The following REPS1 variants were observed in gnomAD, a reference collection of about 807,000 sequenced individuals.
REPS1 encodes the protein RALBP1 associated Eps domain containing 1.
A neutral mutation model predicts 100.9 loss-of-function variants in REPS1; 39 were observed. The observed-to-expected ratio is 0.39, with a 90% CI of 0.30 to 0.50. REPS1 has a LOEUF of 0.50. REPS1 is among the 20% of genes least tolerant of loss of function. The probability of loss-of-function intolerance (pLI) is 0.86; values close to 1 mark genes in which losing one functional copy is unlikely to be tolerated. For synonymous variants in REPS1, 324 were observed against 340.3 expected (o/e 0.95, Z 0.53); for missense variants, 821 against 968.5 (o/e 0.85, Z 2.02).
intron 12 of REPS1, among the ~76,000 whole-genome samples, chr6:138,919,877 CAG>C (rs2128443021): frequency 6.6e-6 from 1 of 152,228 alleles, no homozygotes; most frequent in Non-Finnish European, 1.5e-5. Flanking sequence ...GTTCAATCTC[CAG>C]TGCCTAGAAC....
At chr6:138,959,509 C>A (rs1193870341) in intron 1 of REPS1, among the ~76,000 whole-genome samples, 1 of 152,134 alleles carries the variant, frequency 6.6e-6, no homozygotes. Context: ...CTTCCCTTTT[C>A]AGTCATTAAT....
At chr6:138,927,439 TAAG>T (rs1266430081) in intron 9 of REPS1, 1 of 152,168 alleles carries the variant, frequency 6.6e-6, no homozygotes, top group African/African-American at 2.4e-5. Context: ...ATCTGATTCT[TAAG>T]AATTATCAGT....
At chr6:138,939,135 TAA>T (rs1782060335) in intron 8 of REPS1, among the ~76,000 whole-genome samples, 2 of 152,324 alleles carry the variant, frequency 1.3e-5, no homozygotes, top group East Asian at 3.9e-4. Context: ...AGAAAAATGA[TAA>T]GTTATATTAC....
At chr6:138,917,787 T>A (rs1443680307) in intron 12 of REPS1, 160 bp from the exon 13 acceptor site, 3 of 572,214 alleles carry the variant, frequency 5.2e-6, no homozygotes, top group Admixed American at 3.2e-5. Flanking sequence ...CTGTAAAAAA[T>A]TAACTACAAA....
At chr6:138,976,008 A>G (rs1309174293) in intron 1 of REPS1, among the ~76,000 whole-genome samples, 2 of 152,220 alleles carry the variant, frequency 1.3e-5, no homozygotes, top group East Asian at 3.8e-4. Flanking sequence ...ACTACACTCA[A>G]TACTTGCTGA....
chr6:138,907,336 G>GTGTGTGTGTA, intron 19 of REPS1, 159 bp downstream of exon 19: 1 of 494,904 alleles, frequency 2.0e-6, no homozygotes, highest in Admixed American at 3.2e-5. Flanking sequence ...GTGTGTGTGT[G>GTGTGTGTGTA]TGTGGCGGGG....
intron 8 of REPS1, among the ~76,000 whole-genome samples, chr6:138,936,671 C>T (rs1358579693): frequency 6.6e-5 from 10 of 150,550 alleles, no homozygotes; most frequent in African/African-American, 2.0e-4. Context: ...AAGCTAATGA[C>T]AAGCATTAGT....
At chr6:138,911,960 G>C (rs953494056) in intron 16 of REPS1, among the ~76,000 whole-genome samples, 9 of 152,182 alleles carry the variant, frequency 5.9e-5, no homozygotes, top group Admixed American at 2.6e-4. Flanking sequence ...TCGTGGTTGG[G>C]AGAAGGGAGG....
chr6:138,916,010 T>C (rs1780352585), intron 13 of REPS1, 34 bp from the exon 14 acceptor site: 2 of 1,448,192 alleles, frequency 1.4e-6, no homozygotes, highest in East Asian at 4.5e-5. Flanking sequence ...TTGGTCATAC[T>C]ACTGATATCA....
intron 8 of REPS1, among the ~76,000 whole-genome samples, chr6:138,938,078 T>C (rs1224795091): frequency 2.0e-5 from 3 of 152,328 alleles, no homozygotes; most frequent in African/African-American, 7.2e-5. Flanking sequence ...GAAAGCTCTT[T>C]CTGCAGATGA....
chr6:138,986,969 A>G (rs1785294487), intron 1 of REPS1, among the ~76,000 whole-genome samples: 1 of 152,216 alleles, frequency 6.6e-6, no homozygotes, highest in Admixed American at 6.5e-5. Flanking sequence ...CACGTTCTAC[A>G]GATAATTACA....
At position 138,911,271 on chromosome 6, in the gene REPS1, C is replaced by A. The variant is rs1779983743; in HGVS notation, c.2067+5G>T. On this transcript the variant is annotated splice_donor_5th_base_variant and intron_variant, in intron 17 of 19. Coordinates refer to ENST00000450536, the MANE Select transcript of REPS1 (RefSeq NM_001286611.2). ...AATTATTATTATAAAAGACATTTTG[C>A]ATACCACATTGGCAGGAGCACTAGC... 1 of 1,566,894 alleles carries A rather than the reference C, an allele frequency of 6.4e-7. No individual in the cohort carries two copies. The highest frequency in any genetic ancestry group is 1.4e-5 in the African/African-American group (1 of 74,000).
At position 138,911,350 on chromosome 6, in the gene REPS1, C is replaced by T. The variant is rs758462837; in HGVS notation, c.1993G>A (p.Ala665Thr). The T allele has an allele frequency of 1.9e-6, 3 of 1,612,908 alleles. No individual in the cohort carries two copies. Among genetic ancestry groups the T allele is most frequent in the African/African-American group, 2.7e-5 (2 of 74,892 alleles). Residue 665 changes from alanine (A) to threonine (T), a missense_variant, in exon 17 of 20, where the codon GCA becomes ACA. Coordinates refer to ENST00000450536, the MANE Select transcript of REPS1 (RefSeq NM_001286611.2). ...VLPAEKASDPASSLRVAKTDS... is the reference protein window; with the variant it reads ...VLPAEKASDPTSSLRVAKTDS... ...GTTTTGGCAACTCGAAGAGAACTTGCAGGATCAGAAGCTTTTTCAGCCTAA... is the reference window on the plus strand; with the variant it reads ...GTTTTGGCAACTCGAAGAGAACTTGTAGGATCAGAAGCTTTTTCAGCCTAA...
At chr6:138,941,201 G>A in intron 8 of REPS1, 134 bp downstream of exon 8, 1 of 967,484 alleles carries the variant, frequency 1.0e-6, no homozygotes, top group Non-Finnish European at 1.5e-6. Flanking sequence ...CTATTCTGAT[G>A]ACAAATCTAT....
At chr6:138,928,471 T>C (rs982683718) in intron 9 of REPS1, 1 of 151,796 alleles carries the variant, frequency 6.6e-6, no homozygotes, top group Non-Finnish European at 1.5e-5. Flanking sequence ...CAATGATTTA[T>C]TAACATTTTG....
chr6:138,914,824 T>C (rs1036183740), intron 14 of REPS1, 63 bp from the exon 15 acceptor site: 1 of 1,324,296 alleles, frequency 7.6e-7, no homozygotes, highest in Admixed American at 2.0e-5. Context: ...ATAGAAGAAA[T>C]AGGCTGAATG....
chr6:138,920,740 T>C (rs1415264250), intron 11 of REPS1, among the ~76,000 whole-genome samples: 2 of 152,204 alleles, frequency 1.3e-5, no homozygotes, highest in African/African-American at 4.8e-5. Flanking sequence ...TTTTAACATA[T>C]ATCTCTTCAG....
At position 138,941,249 on chromosome 6, in the gene REPS1, T is replaced by C. The variant is rs150776146; in HGVS notation, c.1135+86A>G. 2.1e-6 allele frequency: 3 copies of C among 1,422,364 alleles called. No homozygotes were observed. The East Asian group carries it at 6.8e-5, about 32-fold the overall frequency. The allele number at this position is 1,422,364 out of a possible 1,614,324, so 88.1% of individuals were successfully genotyped here. On this transcript the variant is annotated intron_variant, in intron 8 of 19. Coordinates refer to ENST00000450536, the MANE Select transcript of REPS1 (RefSeq NM_001286611.2). Reference sequence around the variant, plus strand: ...AAATATCTAAGCTATTAAGCTAAGGTTAACCTCTATCTTGATTTTTCTTTC... The same window carrying C: ...AAATATCTAAGCTATTAAGCTAAGGCTAACCTCTATCTTGATTTTTCTTTC...
chr6:138,971,419 T>G (rs919576290), intron 1 of REPS1, among the ~76,000 whole-genome samples: 5 of 152,134 alleles, frequency 3.3e-5, no homozygotes, highest in African/African-American at 1.2e-4. Flanking sequence ...GGGCCTCCAC[T>G]TGCAGCCAGG....
Sources: gnomAD v4.1 joint callset for allele counts (sites outside exome capture counted in the v4.1 genomes callset) on GRCh38, gnomAD v4.1.1 for gene constraint, MANE v1.5 for transcripts, NCBI Gene and HGNC (gene_info 2026-07-23, HGNC 2026-07-21) for gene names.